Variants in LRRC8C observed in about 807,000 individuals in gnomAD.
The protein encoded by LRRC8C is leucine rich repeat containing 8 VRAC subunit C, also known as volume-regulated anion channel subunit LRRC8C.
Under a neutral mutation model 55.3 loss-of-function variants are expected in LRRC8C, and 20 were observed. The observed-to-expected ratio is 0.36, with a 90% CI of 0.25 to 0.53. LRRC8C has a LOEUF of 0.53. Among genes scored for constraint, LRRC8C ranks in the 20% least tolerant of loss-of-function variants. The pLI is 0.92. For missense variants in LRRC8C, 659 were observed against 951.4 expected, an observed-to-expected ratio of 0.69 and a Z score of 4.04; for synonymous variants, 376 against 360.7, an observed-to-expected ratio of 1.04 and a Z score of -0.48.
chr1:89,691,305 G>A (rs1300316935), intron 2 of LRRC8C, among the ~76,000 whole-genome samples: 1 of 152,162 alleles, frequency 6.6e-6, no homozygotes, highest in Non-Finnish European at 1.5e-5. Flanking sequence ...CTCAAAGAAT[G>A]AATATACAAA....
chr1:89,659,073 G>T (rs1268533977), intron 1 of LRRC8C, among the ~76,000 whole-genome samples: 1,375 of 120,064 alleles, frequency 0.011, 77 homozygotes, highest in South Asian at 0.026. Context: ...GTGTGTGTGT[G>T]TGTGTGTGTG....
chr1:89,627,416 G>A, the LRRC8C span, among the ~76,000 whole-genome samples: 496 of 152,074 alleles, frequency 3.3e-3, no homozygotes, highest in African/African-American at 0.011. Flanking sequence ...TCGGAGCTAC[G>A]GACACATTAT....
At chr1:89,644,162 A>G (rs1399829279) in intron 1 of LRRC8C, among the ~76,000 whole-genome samples, 1 of 152,104 alleles carries the variant, frequency 6.6e-6, no homozygotes, top group African/African-American at 2.4e-5. Flanking sequence ...ATAAAACCCC[A>G]CTATTTTTTA....
At position 89,713,893 on chromosome 1, in the gene LRRC8C, T is replaced by C. The variant is rs2101363693; in HGVS notation, c.1323T>C (p.Phe441=). 6.2e-7 allele frequency: 1 copy of C among 1,614,182 alleles called. No homozygotes were observed. Among genetic ancestry groups the C allele is most frequent in the African/African-American group, 1.3e-5 (1 of 75,068 alleles). Residue 441 remains phenylalanine, a synonymous_variant, in exon 3 of 3, where the codon TTT becomes TTC. Transcript: ENST00000370454. This position sits in a 1 kb window ranked among gnomAD's most constrained non-coding sequence, Gnocchi z 5.2. ...IMLSGLPDTV[F]EITELQSLKL... ...TCTCTGGCCTTCCAGACACTGTTTT[T>C]GAAATCACAGAGTTGCAATCTCTAA... is the stretch of plus-strand genomic sequence containing the variant.
chr1:89,647,228 G>C (rs1656638941), intron 1 of LRRC8C, among the ~76,000 whole-genome samples: 1 of 152,066 alleles, frequency 6.6e-6, no homozygotes, highest in Non-Finnish European at 1.5e-5. Context: ...CAAATCTTCG[G>C]TGCTACCTAG....
upstream of LRRC8C, among the ~76,000 whole-genome samples, chr1:89,628,747 T>C (rs2101160772): frequency 6.6e-6 from 1 of 152,340 alleles, no homozygotes; most frequent in Non-Finnish European, 1.5e-5. Flanking sequence ...GGGTCTTAAT[T>C]TCTTTATGGC....
chr1:89,644,456 C>G (rs1265113911), intron 1 of LRRC8C, among the ~76,000 whole-genome samples: 1 of 152,162 alleles, frequency 6.6e-6, no homozygotes, highest in Non-Finnish European at 1.5e-5. Context: ...CAGACGAAAC[C>G]CCACTATTTA....
At chr1:89,629,551 T>C (rs1233105621), upstream of LRRC8C, among the ~76,000 whole-genome samples, 2 of 152,226 alleles carry the variant, frequency 1.3e-5, no homozygotes, top group African/African-American at 4.8e-5. Context: ...ATTTATGAGC[T>C]AAAGGGTTCA....
At chr1:89,622,486 A>T in the LRRC8C span, among the ~76,000 whole-genome samples, 11 of 151,926 alleles carry the variant, frequency 7.2e-5, no homozygotes, top group Non-Finnish European at 1.6e-4. Context: ...GCGCCCGCCA[A>T]CACTCCTGGC....
chr1:89,646,786 A>G (rs1656625793), intron 1 of LRRC8C, among the ~76,000 whole-genome samples: 1 of 152,172 alleles, frequency 6.6e-6, no homozygotes, highest in Non-Finnish European at 1.5e-5. Flanking sequence ...TAAAGATTAA[A>G]AGAAAGAAGT....
At chr1:89,620,927 G>A in the LRRC8C span, among the ~76,000 whole-genome samples, 1 of 152,282 alleles carries the variant, frequency 6.6e-6, no homozygotes, top group African/African-American at 2.4e-5. Flanking sequence ...TTGTGAAAAT[G>A]GTTGCATGGG....
At position 89,718,220 on chromosome 1, in the gene LRRC8C, C is replaced by A. The variant is rs1467725233; in HGVS notation, c.*3238C>A. On this transcript the variant is annotated 3_prime_UTR_variant, in exon 3 of 3. Coordinates refer to ENST00000370454, the MANE Select transcript of LRRC8C (RefSeq NM_032270.5). ...CTTCCCCTGCCATTGTATTTCCCAT[C>A]TGTTTCAAGGAGTTTCAACAATTTA... 6.6e-6 allele frequency: 1 copy of A among 152,166 alleles called. No homozygotes were observed. The highest frequency in any genetic ancestry group is 2.1e-4 in the South Asian group (1 of 4,828). The allele number at this position is 152,166 out of a possible 1,614,324, so 9.4% of individuals were successfully genotyped here. A position where few individuals can be genotyped will look rare whatever the true frequency, so the allele number is the denominator to read the frequency against.
At chr1:89,656,095 G>C (rs149993665) in intron 1 of LRRC8C, among the ~76,000 whole-genome samples, 127 of 152,340 alleles carry the variant, frequency 8.3e-4, no homozygotes, top group African/African-American at 2.9e-3. Context: ...CATTGTAGTA[G>C]CTCACAACAA....
At chr1:89,687,886 C>T (rs751424176) in intron 2 of LRRC8C, among the ~76,000 whole-genome samples, 1 of 152,058 alleles carries the variant, frequency 6.6e-6, no homozygotes, top group East Asian at 1.9e-4. Context: ...TGGTACAGAG[C>T]GAAAATAAAG....
Position 89,713,474 on chromosome 1 carries a change from G to A in LRRC8C, c.904G>A (p.Gly302Arg), listed in dbSNP as rs757126379. ...TAATGTGGACATTCAGGACATGACT[G>A]GATATAAAAACTTTTCTTGCAATCA... ...DCNVDIQDMTGYKNFSCNHTM... is the reference protein window; with the variant it reads ...DCNVDIQDMTRYKNFSCNHTM... The change falls in exon 3 of 3, where the codon GGA becomes AGA. Residue 302 changes from glycine to arginine, a missense_variant. Physicochemically the swap from Gly to Arg is moderately radical, Grantham distance 125. Coordinates refer to ENST00000370454, the MANE Select transcript of LRRC8C (RefSeq NM_032270.5). The surrounding 1 kb of genome is among the most constrained non-coding windows in gnomAD (Gnocchi z 5.2). 2 of 1,614,100 alleles carry A rather than the reference G, an allele frequency of 1.2e-6. No individual in the cohort carries two copies. Among genetic ancestry groups the A allele is most frequent in the African/African-American group, 1.3e-5 (1 of 75,042 alleles).
intron 1 of LRRC8C, among the ~76,000 whole-genome samples, chr1:89,681,194 C>G (rs1455061332): frequency 6.6e-6 from 1 of 151,120 alleles, no homozygotes; most frequent in African/African-American, 2.4e-5. Context: ...TCGCAAATCA[C>G]TTAGAAATGA....
At chr1:89,695,972 C>G (rs1205815490) in intron 2 of LRRC8C, among the ~76,000 whole-genome samples, 1 of 152,140 alleles carries the variant, frequency 6.6e-6, no homozygotes, top group Non-Finnish European at 1.5e-5. Context: ...AAACTGTAGA[C>G]CTCAAAATGT....
intron 2 of LRRC8C, among the ~76,000 whole-genome samples, chr1:89,693,920 G>C (rs569352379): frequency 6.6e-6 from 1 of 152,080 alleles, no homozygotes; most frequent in South Asian, 2.1e-4. Context: ...GCCTTCCAAA[G>C]TGCTGGGATT....
chr1:89,641,965 A>G (rs1184527852), intron 1 of LRRC8C, among the ~76,000 whole-genome samples: 1 of 152,252 alleles, frequency 6.6e-6, no homozygotes, highest in Non-Finnish European at 1.5e-5. Context: ...ATTCGCTGCC[A>G]TATGATATTG....
Sources: allele counts gnomAD v4.1 joint callset (sites outside exome capture counted in the v4.1 genomes callset), GRCh38; gene constraint gnomAD v4.1.1; non-coding constraint Gnocchi (gnomAD v3.1); transcripts MANE v1.5; gene names NCBI Gene and HGNC (gene_info 2026-07-23, HGNC 2026-07-21).